Variants in HDAC4 observed in about 807,000 individuals in gnomAD.
HDAC4 encodes the protein histone deacetylase A.
In HDAC4, 16 loss-of-function variants were observed where a neutral mutation model predicts 135.1. The observed-to-expected ratio is 0.12, with a 90% CI of 0.08 to 0.18. The LOEUF (loss-of-function observed/expected upper bound fraction) is 0.18, where lower values mean the gene tolerates loss of function less well. Ranked by LOEUF, HDAC4 falls within the 10% of genes least tolerant of loss-of-function variation. HDAC4 has a pLI of 1.00. For synonymous variants in HDAC4, 685 were observed against 653.4 expected (o/e 1.05, Z -0.74); for missense variants, 1,143 against 1,511.8 (o/e 0.76, Z 4.05).
At chr2:239,071,306 T>G (rs1481688732) in intron 22 of HDAC4, among the ~76,000 whole-genome samples, 4 of 151,954 alleles carry the variant, frequency 2.6e-5, no homozygotes, top group African/African-American at 9.7e-5. Context: ...TCCCAGCTAC[T>G]CGGGAGGCTG....
At chr2:239,230,532 A>G (rs2047491219) in intron 3 of HDAC4, among the ~76,000 whole-genome samples, 1 of 152,100 alleles carries the variant, frequency 6.6e-6, no homozygotes, top group African/African-American at 2.4e-5. Flanking sequence ...TAACCCAAGC[A>G]GTCACGGCAG....
chr2:239,272,840 T>A (rs2050130314), intron 2 of HDAC4, among the ~76,000 whole-genome samples: 1 of 152,192 alleles, frequency 6.6e-6, no homozygotes, highest in African/African-American at 2.4e-5. Flanking sequence ...TGTACCTCCC[T>A]AGACCCTTAG....
In HDAC4 at chr2:239,263,414, G is replaced by T. The variant is rs567919689; in HGVS notation, c.23-26750C>A. 2.0e-3 allele frequency among the ~76,000 whole-genome samples: 307 copies of T among 150,940 alleles called. 1 individual carries two copies. The highest frequency in any genetic ancestry group is 6.8e-3 in the Middle Eastern group (2 of 292). ...CCCCTTCTCTTCACAACAGGCAGCAGGTGAACAGCTTCCCCCTCGGAGCTG... is the reference window on the plus strand; with the variant it reads ...CCCCTTCTCTTCACAACAGGCAGCATGTGAACAGCTTCCCCCTCGGAGCTG... On this transcript the variant is annotated intron_variant, in intron 2 of 26. Transcript: ENST00000543185.
intron 1 of HDAC4, among the ~76,000 whole-genome samples, chr2:239,354,631 T>C (rs1487230732): frequency 1.4e-5 from 2 of 146,876 alleles, no homozygotes; most frequent in South Asian, 2.2e-4. Flanking sequence ...CAGTTCATCA[T>C]GTAAAGAATC....
chr2:239,094,860 C>T (rs537857847), intron 17 of HDAC4, 150 bp downstream of exon 17: 45 of 1,571,014 alleles, frequency 2.9e-5, no homozygotes, highest in Admixed American at 1.7e-4. Flanking sequence ...TCGGCTCACA[C>T]GGCCTTTGAA....
At chr2:239,327,624 C>A (rs1238427242) in intron 2 of HDAC4, among the ~76,000 whole-genome samples, 2 of 152,246 alleles carry the variant, frequency 1.3e-5, no homozygotes, top group Admixed American at 6.5e-5. Flanking sequence ...CGCTAGCCCC[C>A]AGCCAGCCAG....
rs139439788 is a variant in HDAC4 at position 239,307,641 on chromosome 2, G to A, written c.22+45037C>T. ...TCCAAATAGCCAAACGACAACTCCT[G>A]CTCAAGAAAACGCATGCAAGAGAAG... On this transcript the variant is annotated intron_variant, in intron 2 of 26. Coordinates refer to ENST00000543185, the MANE Select transcript of HDAC4 (RefSeq NM_001378414.1). The surrounding 1 kb of genome is among the most constrained non-coding windows in gnomAD (Gnocchi z 4.8). Among the ~76,000 whole-genome samples, 23 of 152,276 alleles carry A rather than the reference G, an allele frequency of 1.5e-4. No individual in the cohort carries two copies. The highest frequency in any genetic ancestry group is 5.3e-4 in the African/African-American group (22 of 41,550).
Position 239,068,367 on chromosome 2 carries a change from G to T in HDAC4, c.2869+122C>A, listed in dbSNP as rs953689885. Reference sequence around the variant, plus strand: ...TGGTTCCCAGTACGGTCAGAACCTTGGTCATTAGTAAAAAGGTGCCCTTCC... The same window carrying T: ...TGGTTCCCAGTACGGTCAGAACCTTTGTCATTAGTAAAAAGGTGCCCTTCC... On this transcript the variant is annotated intron_variant, in intron 23 of 26. Transcript: ENST00000543185. This position sits in a 1 kb window ranked among gnomAD's most constrained non-coding sequence, Gnocchi z 4.4. 6.8e-6 allele frequency: 5 copies of T among 735,938 alleles called. No individual in the cohort carries two copies. The highest frequency in any genetic ancestry group is 3.5e-5 in the African/African-American group (2 of 57,810). 45.6% of individuals were successfully genotyped at this position (735,938 alleles called of 1,614,324 possible).
intron 2 of HDAC4, among the ~76,000 whole-genome samples, chr2:239,292,148 G>A (rs999302): frequency 0.1 from 15,786 of 152,282 alleles, 1,416 homozygotes; most frequent in East Asian, 0.43. Context: ...GCAAGGGGAC[G>A]GCCAGGATGG....
At chr2:239,130,794 G>T (rs1575134379) in intron 11 of HDAC4, among the ~76,000 whole-genome samples, 1 of 152,194 alleles carries the variant, frequency 6.6e-6, no homozygotes, top group Admixed American at 6.5e-5. Flanking sequence ...CCTGGGTCTT[G>T]GGGGGCCCTG....
intron 2 of HDAC4, among the ~76,000 whole-genome samples, chr2:239,281,961 T>G (rs1335548799): frequency 2.1e-5 from 3 of 143,440 alleles, no homozygotes; most frequent in Non-Finnish European, 4.5e-5. Context: ...TACACACCAC[T>G]CTACAATGAA....
intron 6 of HDAC4, chr2:239,162,480 C>G (rs1454501781): frequency 7.7e-6 from 3 of 390,776 alleles, no homozygotes; most frequent in Admixed American, 2.7e-5. Context: ...TGGAGTTTCT[C>G]CACAACCAGT....
chr2:239,326,791 C>T (rs974988784), intron 2 of HDAC4, among the ~76,000 whole-genome samples: 33 of 152,222 alleles, frequency 2.2e-4, no homozygotes, highest in African/African-American at 7.5e-4. Flanking sequence ...GGCATCCCAG[C>T]GAGCCAGCAG....
intron 2 of HDAC4, among the ~76,000 whole-genome samples, chr2:239,238,704 G>A (rs770268763): frequency 6.6e-5 from 10 of 152,186 alleles, no homozygotes; most frequent in Non-Finnish European, 1.5e-4. Flanking sequence ...CTCCAGCACC[G>A]AGTTCATACA....
At chr2:239,179,246 G>A (rs576620277) in intron 4 of HDAC4, among the ~76,000 whole-genome samples, 4 of 152,332 alleles carry the variant, frequency 2.6e-5, no homozygotes, top group African/African-American at 4.8e-5. Flanking sequence ...TCACACTGTC[G>A]TCCCTGTGTA....
At chr2:239,204,732 G>A (rs1054426737) in intron 3 of HDAC4, among the ~76,000 whole-genome samples, 1 of 152,160 alleles carries the variant, frequency 6.6e-6, no homozygotes, top group African/African-American at 2.4e-5. Context: ...CTGGGAATGG[G>A]TCAGGTTTCA....
chr2:239,384,928 C>T (rs1346418166), intron 1 of HDAC4, among the ~76,000 whole-genome samples: 1 of 152,200 alleles, frequency 6.6e-6, no homozygotes, highest in Non-Finnish European at 1.5e-5. Flanking sequence ...CTCCTCTCTG[C>T]ACCCCACCGG....
chr2:239,107,253 T>C (rs1241882168), intron 15 of HDAC4, among the ~76,000 whole-genome samples: 2 of 152,234 alleles, frequency 1.3e-5, no homozygotes, highest in African/African-American at 2.4e-5. Context: ...GTTAATCGGC[T>C]GATCCTTCTT....
chr2:239,369,089 G>A (rs1053749032), intron 1 of HDAC4, among the ~76,000 whole-genome samples: 2 of 152,140 alleles, frequency 1.3e-5, no homozygotes, highest in African/African-American at 4.8e-5. Context: ...CAGGCTCGCC[G>A]GCAGGGAGGA....
Sources: gnomAD v4.1 joint callset for allele counts (sites outside exome capture counted in the v4.1 genomes callset) on GRCh38, gnomAD v4.1.1 for gene constraint, Gnocchi (gnomAD v3.1) non-coding constraint, MANE v1.5 for transcripts, NCBI Gene and HGNC (gene_info 2026-07-23, HGNC 2026-07-21) for gene names.